The following CRYM variants were observed in gnomAD, a reference collection of about 807,000 sequenced individuals.
CRYM encodes the protein ketimine reductase mu-crystallin.
Under a neutral mutation model 32.9 loss-of-function variants are expected in CRYM, and 18 were observed. That is an observed-to-expected ratio of 0.55 (90% CI 0.38 to 0.81). CRYM has a LOEUF of 0.81. Ranked by LOEUF, CRYM falls within the 30% of genes least tolerant of loss-of-function variation. The probability of loss-of-function intolerance (pLI) is 0.00; values close to 1 mark genes in which losing one functional copy is unlikely to be tolerated. For missense variants in CRYM, 337 were observed against 393.5 expected, an observed-to-expected ratio of 0.86 and a Z score of 1.21; for synonymous variants, 153 against 152.4, an observed-to-expected ratio of 1.00 and a Z score of -0.03.
At chr16:21,293,736 A>G (rs750376275) in intron 1 of CRYM, among the ~76,000 whole-genome samples, 1 of 152,196 alleles carries the variant, frequency 6.6e-6, no homozygotes, top group Non-Finnish European at 1.5e-5. Context: ...AAAAAGTTCT[A>G]TTTGTTAAAG....
chr16:21,261,254 C>T lies in CRYM; in HGVS notation c.880G>A (p.Gly294Arg). The stretch of plus-strand genomic sequence containing the variant: ...GTGCCCAGGGAGCAATGGATCTTAC[C>T]CAAAGACTTGAACACGGTGGTCTTC... ...CEKTTVFKSLGMAVEDTVAAK... is the reference protein window; with the variant it reads ...CEKTTVFKSLRMAVEDTVAAK... Residue 294 changes from glycine (G) to arginine (R), a missense_variant and splice_region_variant, in exon 7 of 8, where the codon GGA (glycine) becomes AGA (arginine). Coordinates refer to ENST00000572914, the MANE Select transcript of CRYM (RefSeq NM_001376256.1). 2 of 1,612,816 alleles carry T rather than the reference C, an allele frequency of 1.2e-6. No homozygotes were observed. The highest frequency in any genetic ancestry group is 1.1e-5 in the South Asian group (1 of 91,038).
upstream of CRYM, among the ~76,000 whole-genome samples, chr16:21,281,709 A>G (rs2093398481): frequency 6.6e-6 from 1 of 152,208 alleles, no homozygotes; most frequent in African/African-American, 2.4e-5. Flanking sequence ...GAGGTTGCAC[A>G]CTTGCATGCC....
intron 1 of CRYM, chr16:21,300,557 T>C (rs1374328711): frequency 6.7e-6 from 1 of 150,262 alleles, no homozygotes; most frequent in Non-Finnish European, 1.5e-5. Context: ...AGAAATGCCC[T>C]ACACGTGAGT....
upstream of CRYM, among the ~76,000 whole-genome samples, chr16:21,281,211 T>C (rs1047772556): frequency 4.0e-5 from 6 of 151,304 alleles, no homozygotes; most frequent in East Asian, 9.7e-4. Context: ...TATGTATATG[T>C]ATCTATGTAT....
intron 5 of CRYM, among the ~76,000 whole-genome samples, chr16:21,263,867 C>T (rs561496451): frequency 1.3e-5 from 2 of 152,252 alleles, no homozygotes; most frequent in Non-Finnish European, 2.9e-5. Context: ...CATTGTTCAG[C>T]TCCAGCTAAT....
chr16:21,288,473 T>C (rs1718375962), intron 1 of CRYM, among the ~76,000 whole-genome samples: 1 of 150,254 alleles, frequency 6.7e-6, no homozygotes, highest in Non-Finnish European at 1.5e-5. Context: ...GGTAGTAATG[T>C]CTTCTCTTAG....
chr16:21,260,094 A>C (rs1309992483), intron 7 of CRYM, among the ~76,000 whole-genome samples: 1 of 152,184 alleles, frequency 6.6e-6, no homozygotes, highest in Non-Finnish European at 1.5e-5. Context: ...CCTGCAAGGC[A>C]TGGATACTTA....
chr16:21,260,317 AT>A (rs869290613), intron 7 of CRYM, among the ~76,000 whole-genome samples: 1 of 145,056 alleles, frequency 6.9e-6, no homozygotes, highest in Non-Finnish European at 1.5e-5. Context: ...TTATTTATTT[AT>A]TTTTTGAGAT....
chr16:21,282,717 T>G (rs545065426), upstream of CRYM, among the ~76,000 whole-genome samples: 1 of 152,200 alleles, frequency 6.6e-6, no homozygotes, highest in South Asian at 2.1e-4. Context: ...ACAGGACAAC[T>G]CTGCAAATCA....
intron 1 of CRYM, among the ~76,000 whole-genome samples, chr16:21,285,067 G>A (rs1055285302): frequency 1.3e-5 from 2 of 152,102 alleles, no homozygotes; most frequent in African/African-American, 2.4e-5. Flanking sequence ...TTACTCGTAT[G>A]TCTTCTTTTG....
chr16:21,276,009 G>A (rs570123533), intron 2 of CRYM, among the ~76,000 whole-genome samples: 1 of 152,274 alleles, frequency 6.6e-6, no homozygotes, highest in Non-Finnish European at 1.5e-5. Context: ...AACTCTTAGT[G>A]GCTCTCCGTT....
chr16:21,292,739 GGATA>G (rs60149589), intron 1 of CRYM, among the ~76,000 whole-genome samples: 68 of 151,734 alleles, frequency 4.5e-4, no homozygotes, highest in East Asian at 2.3e-3. Flanking sequence ...ATGGATGGAT[GGATA>G]GATAGATAGA....
chr16:21,265,791 T>A lies in CRYM; in HGVS notation c.673+1763A>T, dbSNP rs140020363. 1.6e-3 allele frequency among the ~76,000 whole-genome samples: 243 copies of A among 152,342 alleles called. 2 individuals carry two copies. The highest frequency in any genetic ancestry group is 5.7e-3 in the African/African-American group (237 of 41,584). On this transcript the variant is annotated intron_variant, in intron 5 of 7. Transcript: ENST00000572914. ...ACTAAAACACAGGGCACCAAGACCATCTTTAAATCCTCTAAAATTTGCCTG... is the reference window on the plus strand; with the variant it reads ...ACTAAAACACAGGGCACCAAGACCAACTTTAAATCCTCTAAAATTTGCCTG...
At position 21,277,511 on chromosome 16, in the gene CRYM, C is replaced by T. The variant is rs1175400369; in HGVS notation, c.244G>A (p.Asp82Asn). ...LTTKLVTFYE[D>N]RGITSVVPSH... ...GGGACGACCGAGGTGATGCCGCGGT[C>T]CTCGTAGAAGGTGACCAACTTGGTG... The change falls in exon 2 of 8, where the codon GAC becomes AAC. Residue 82 changes from aspartate (D) to asparagine (N), a missense_variant. By Grantham distance (23) the Asp-to-Asn change is conservative. Transcript: ENST00000572914. The surrounding 1 kb of genome is among the most constrained non-coding windows in gnomAD (Gnocchi z 4.2). The T allele has an allele frequency of 6.2e-7, 1 of 1,613,936 alleles. No homozygotes were observed. The highest frequency in any genetic ancestry group is 8.5e-7 in the Non-Finnish European group (1 of 1,180,010).
intron 5 of CRYM, among the ~76,000 whole-genome samples, chr16:21,266,047 A>G (rs1267288574): frequency 6.6e-6 from 1 of 152,114 alleles, no homozygotes; most frequent in Non-Finnish European, 1.5e-5. Context: ...AATGTGGTGA[A>G]ACCCCATCTC....
At chr16:21,269,074 A>G (rs1326518476) in intron 4 of CRYM, among the ~76,000 whole-genome samples, 1 of 144,810 alleles carries the variant, frequency 6.9e-6, no homozygotes, top group African/African-American at 2.5e-5. Flanking sequence ...AACCCAGGAG[A>G]TGGAGGTTGC....
chr16:21,262,817 G>A (rs1390387150), intron 5 of CRYM, among the ~76,000 whole-genome samples: 2 of 152,136 alleles, frequency 1.3e-5, no homozygotes, highest in African/African-American at 2.4e-5. Context: ...ACAGATGCAC[G>A]AATGGAGGCT....
chr16:21,274,658 T>C (rs1247414711), intron 3 of CRYM, among the ~76,000 whole-genome samples: 1 of 152,204 alleles, frequency 6.6e-6, no homozygotes, highest in Non-Finnish European at 1.5e-5. Flanking sequence ...CAGGCTAGAG[T>C]GCAGTGGCTC....
chr16:21,272,194 A>G (rs2093376978), intron 3 of CRYM, among the ~76,000 whole-genome samples: 1 of 152,168 alleles, frequency 6.6e-6, no homozygotes, highest in Non-Finnish European at 1.5e-5. Context: ...AAGATTTATT[A>G]AACAGCATTA....
Sources: allele counts gnomAD v4.1 joint callset (sites outside exome capture counted in the v4.1 genomes callset), GRCh38; gene constraint gnomAD v4.1.1; non-coding constraint Gnocchi (gnomAD v3.1); transcripts MANE v1.5; gene names NCBI Gene and HGNC (gene_info 2026-07-23, HGNC 2026-07-21).